Variants in CDH18 observed in about 807,000 individuals in gnomAD.
CDH18 encodes the protein cadherin 18.
A neutral mutation model predicts 67.9 loss-of-function variants in CDH18; 31 were observed. That is an observed-to-expected ratio of 0.46 (90% CI 0.34 to 0.62). CDH18 has a LOEUF of 0.62. Among genes scored for constraint, CDH18 ranks in the 20% least tolerant of loss-of-function variants. CDH18 has a pLI of 0.01. For missense variants in CDH18, 890 were observed against 975.5 expected (o/e 0.91, Z 1.17); for synonymous variants, 362 against 347.2 (o/e 1.04, Z -0.48).
At chr5:19,967,244 A>G (rs955701045) in intron 2 of CDH18, among the ~76,000 whole-genome samples, 4 of 152,072 alleles carry the variant, frequency 2.6e-5, no homozygotes, top group Non-Finnish European at 5.9e-5. Flanking sequence ...AATTACAAAA[A>G]TGAAAAAAAT....
chr5:20,042,730 G>A (rs1006422096), intron 2 of CDH18, among the ~76,000 whole-genome samples: 9 of 152,084 alleles, frequency 5.9e-5, no homozygotes, highest in African/African-American at 9.7e-5. Context: ...TTGGGAGGCC[G>A]AGGACAGCAG....
intron 2 of CDH18, among the ~76,000 whole-genome samples, chr5:19,844,950 A>G (rs1281974162): frequency 1.3e-5 from 2 of 152,172 alleles, no homozygotes; most frequent in African/African-American, 2.4e-5. Context: ...TATGCCCAGA[A>G]TTGACTTCTG....
chr5:20,493,378 A>AAAAAAAAAAAAAC (rs1753706977), intron 1 of CDH18, among the ~76,000 whole-genome samples: 1 of 56,268 alleles, frequency 1.8e-5, no homozygotes, highest in South Asian at 9.9e-4. Context: ...AAAAAAAAAA[A>AAAAAAAAAAAAAC]AAAAAAAGCA....
intron 6 of CDH18, among the ~76,000 whole-genome samples, chr5:19,603,707 G>C (rs1747553558): frequency 6.6e-6 from 1 of 151,000 alleles, no homozygotes; most frequent in African/African-American, 2.4e-5. Flanking sequence ...TGCTAGTTTT[G>C]CTTGGATTTT....
intron 2 of CDH18, among the ~76,000 whole-genome samples, chr5:20,221,775 AAAAT>A (rs1741245997): frequency 6.6e-6 from 1 of 152,132 alleles, no homozygotes; most frequent in South Asian, 2.1e-4. Context: ...ATAAAAATAA[AAAAT>A]AAATAAATAA....
At chr5:19,831,180 C>T (rs2149993158) in intron 3 of CDH18, among the ~76,000 whole-genome samples, 1 of 152,106 alleles carries the variant, frequency 6.6e-6, no homozygotes, top group Middle Eastern at 3.4e-3. Context: ...AAAAATAAAA[C>T]TACATGTCTT....
Position 20,089,936 on chromosome 5 carries a change from T to C in CDH18, c.-517-97922A>G, listed in dbSNP as rs144339033. On this transcript the variant is annotated intron_variant, in intron 2 of 14. Transcript: ENST00000507958. The stretch of plus-strand genomic sequence containing the variant: ...TTCAAGTGTTTCTATTAATATCTTC[T>C]ACAAACTGAACCTGATACATCTAAG... 4.1e-4 allele frequency among the ~76,000 whole-genome samples: 62 copies of C among 152,306 alleles called. No individual in the cohort carries two copies. The East Asian group carries it at 0.011, about 28-fold the overall frequency.
intron 3 of CDH18, among the ~76,000 whole-genome samples, chr5:19,811,778 T>A (rs1054011462): frequency 5.3e-5 from 8 of 152,006 alleles, no homozygotes; most frequent in African/African-American, 1.9e-4. Context: ...ATACAATATA[T>A]CTTCAACAAA....
intron 3 of CDH18, among the ~76,000 whole-genome samples, chr5:19,824,417 C>T (rs1490067236): frequency 6.6e-6 from 1 of 152,102 alleles, no homozygotes; most frequent in Non-Finnish European, 1.5e-5. Context: ...ATCGAGAGCT[C>T]CTAGGGGATT....
intron 2 of CDH18, among the ~76,000 whole-genome samples, chr5:20,056,419 T>C (rs528505881): frequency 8.0e-5 from 12 of 149,342 alleles, no homozygotes; most frequent in African/African-American, 2.7e-4. Context: ...TTAATCTTTT[T>C]TGTCCTCTAT....
At chr5:19,989,198 T>A (rs758440009), upstream of CDH18, among the ~76,000 whole-genome samples, 1 of 152,160 alleles carries the variant, frequency 6.6e-6, no homozygotes. Context: ...TAGGAGTTTA[T>A]CTAAATTGAA....
At chr5:19,578,509 T>A (rs146040761) in intron 7 of CDH18, among the ~76,000 whole-genome samples, 321 of 152,104 alleles carry the variant, frequency 2.1e-3, no homozygotes, top group African/African-American at 7.5e-3. Context: ...ATTTTCTATG[T>A]CTTTCATGTA....
chr5:20,476,597 T>C (rs567320945), intron 1 of CDH18, among the ~76,000 whole-genome samples: 2 of 152,296 alleles, frequency 1.3e-5, no homozygotes, highest in South Asian at 4.1e-4. Flanking sequence ...TTTTTAGACA[T>C]GGCATTCATT....
At chr5:20,036,833 C>T (rs534491956) in intron 2 of CDH18, among the ~76,000 whole-genome samples, 123 of 152,056 alleles carry the variant, frequency 8.1e-4, no homozygotes, top group African/African-American at 2.8e-3. Context: ...ATAGTTAGCT[C>T]TTCTTGTTGC....
intron 2 of CDH18, among the ~76,000 whole-genome samples, chr5:20,202,467 T>A (rs1739525818): frequency 6.6e-6 from 1 of 152,096 alleles, no homozygotes; most frequent in African/African-American, 2.4e-5. Flanking sequence ...TATTTTGTTA[T>A]CTTGTCACTT....
At chr5:20,571,160 T>C (rs1296543330) in intron 1 of CDH18, among the ~76,000 whole-genome samples, 1 of 152,150 alleles carries the variant, frequency 6.6e-6, no homozygotes, top group African/African-American at 2.4e-5. Flanking sequence ...GACATAGAAA[T>C]ATTACATGAC....
intron 1 of CDH18, among the ~76,000 whole-genome samples, chr5:20,442,812 G>C (rs928369215): frequency 1.3e-5 from 2 of 151,862 alleles, no homozygotes; most frequent in Non-Finnish European, 2.9e-5. Flanking sequence ...AGTGCCAACA[G>C]TTTATGAACA....
intron 2 of CDH18, among the ~76,000 whole-genome samples, chr5:20,219,517 C>CAAAAAA (rs60170962): frequency 7.2e-6 from 1 of 138,932 alleles, no homozygotes. Flanking sequence ...AAAGACATGT[C>CAAAAAA]AAAAAAAAAA....
chr5:19,680,991 A>C (rs1760224945), intron 5 of CDH18, among the ~76,000 whole-genome samples: 1 of 152,098 alleles, frequency 6.6e-6, no homozygotes, highest in Non-Finnish European at 1.5e-5. Context: ...TATTTATAAT[A>C]GCGATGACGT....
Sources: allele counts gnomAD v4.1 joint callset (sites outside exome capture counted in the v4.1 genomes callset), GRCh38; gene constraint gnomAD v4.1.1; transcripts MANE v1.5; gene names NCBI Gene and HGNC (gene_info 2026-07-23, HGNC 2026-07-21).